TUBGCP3: variants seen among roughly 807,000 people sequenced by gnomAD.
TUBGCP3 encodes the protein tubulin gamma complex component 3.
TUBGCP3 carries 50 observed loss-of-function variants against 123.1 expected under a neutral mutation model. The observed-to-expected ratio is 0.41, with a 90% CI of 0.32 to 0.51. The LOEUF is 0.51. TUBGCP3 is among the 20% of genes least tolerant of loss of function. The pLI is 0.36. For missense variants in TUBGCP3, 882 were observed against 1,127.0 expected (o/e 0.78, Z 3.11); for synonymous variants, 405 against 413.9 (o/e 0.98, Z 0.26).
At chr13:112,567,706 A>C (rs886407904) in intron 2 of TUBGCP3, among the ~76,000 whole-genome samples, 1 of 152,224 alleles carries the variant, frequency 6.6e-6, no homozygotes, top group African/African-American at 2.4e-5. Context: ...AGGCAAAAGC[A>C]CTATGTCTAG....
chr13:112,508,975 A>C lies in TUBGCP3; in HGVS notation c.2087-4261T>G, dbSNP rs2139020595. ...GATTATTACAACTGGCTGCCCTGCT[A>C]ATCACCACGGTCGCGCCCCAGGTTC... On this transcript the variant is annotated intron_variant, in intron 17 of 21. Transcript: ENST00000261965. The surrounding 1 kb of genome is among the most constrained non-coding windows in gnomAD (Gnocchi z 4.2). Among the ~76,000 whole-genome samples the C allele has an allele frequency of 6.6e-6, 1 of 152,304 alleles. No individual in the cohort carries two copies. Among genetic ancestry groups the C allele is most frequent in the African/African-American group, 2.4e-5 (1 of 41,582 alleles).
chr13:112,490,748 C>T (rs886246231), intron 20 of TUBGCP3, among the ~76,000 whole-genome samples: 1 of 152,168 alleles, frequency 6.6e-6, no homozygotes, highest in Non-Finnish European at 1.5e-5. Context: ...GTATCAGCTT[C>T]GTGATTCTTC....
At chr13:112,493,800 G>A (rs1354468792) in intron 20 of TUBGCP3, among the ~76,000 whole-genome samples, 6 of 133,730 alleles carry the variant, frequency 4.5e-5, no homozygotes, top group East Asian at 2.4e-4. Context: ...TGCCTGAGAT[G>A]CTCTAGCTAT....
chr13:112,535,689 G>A (rs1299635944), intron 11 of TUBGCP3, among the ~76,000 whole-genome samples: 2 of 152,072 alleles, frequency 1.3e-5, no homozygotes, highest in Non-Finnish European at 2.9e-5. Flanking sequence ...ACCATTATCA[G>A]GTAAGTGATT....
intron 11 of TUBGCP3, among the ~76,000 whole-genome samples, chr13:112,535,277 C>T (rs1431280271): frequency 2.0e-5 from 3 of 152,148 alleles, no homozygotes; most frequent in East Asian, 1.9e-4. Flanking sequence ...TAGACGAATG[C>T]GTGTTTTCAT....
intron 1 of TUBGCP3, among the ~76,000 whole-genome samples, chr13:112,586,153 G>A (rs901612023): frequency 4.6e-5 from 7 of 151,552 alleles, no homozygotes; most frequent in Non-Finnish European, 8.8e-5. Context: ...GCAGGAGAAT[G>A]GCATGAACCC....
chr13:112,549,748 G>A (rs1293391323), intron 8 of TUBGCP3, among the ~76,000 whole-genome samples: 1 of 151,942 alleles, frequency 6.6e-6, no homozygotes, highest in East Asian at 1.9e-4. Context: ...CTAGCACTTT[G>A]GGAGGCCAAG....
chr13:112,491,986 T>C (rs1406776036), intron 20 of TUBGCP3, among the ~76,000 whole-genome samples: 2 of 152,250 alleles, frequency 1.3e-5, no homozygotes, highest in Admixed American at 1.3e-4. Flanking sequence ...ATTTATACCA[T>C]GCTTTCCGGT....
intron 11 of TUBGCP3, among the ~76,000 whole-genome samples, chr13:112,534,442 G>A (rs948915848): frequency 1.3e-5 from 2 of 152,146 alleles, no homozygotes; most frequent in Admixed American, 6.5e-5. Flanking sequence ...AGCTAATCAG[G>A]AGACTGAGGC....
chr13:112,516,192 G>A (rs966495977), intron 17 of TUBGCP3, among the ~76,000 whole-genome samples: 11 of 152,274 alleles, frequency 7.2e-5, no homozygotes, highest in African/African-American at 2.4e-4. Flanking sequence ...ACACTGTATG[G>A]ATTTTAAATG....
chr13:112,554,296 TA>T, intron 7 of TUBGCP3, 114 bp from the exon 8 acceptor site: 1 of 1,266,606 alleles, frequency 7.9e-7, no homozygotes, highest in South Asian at 1.5e-5. Context: ...CTTCAAGACA[TA>T]AAAGTTAAAA....
At chr13:112,500,200 T>C (rs1248749244) in intron 19 of TUBGCP3, among the ~76,000 whole-genome samples, 1 of 152,198 alleles carries the variant, frequency 6.6e-6, no homozygotes, top group Non-Finnish European at 1.5e-5. Flanking sequence ...ATTTCAATAG[T>C]GCAGAAGAAA....
upstream of TUBGCP3, among the ~76,000 whole-genome samples, chr13:112,592,430 C>T (rs9550160): frequency 0.15 from 22,941 of 152,078 alleles, 2,012 homozygotes; most frequent in East Asian, 0.2. The surrounding 1 kb of genome is among the most constrained non-coding windows in gnomAD (Gnocchi z 4.1). Context: ...AGAGGCCTCA[C>T]TGAGAGTGCC....
chr13:112,530,183 G>A (rs1430777372), intron 11 of TUBGCP3, among the ~76,000 whole-genome samples: 1 of 152,062 alleles, frequency 6.6e-6, no homozygotes. Context: ...AATATTACAG[G>A]ACAGTCTCAT....
chr13:112,544,227 G>A (rs1339003379), intron 11 of TUBGCP3, among the ~76,000 whole-genome samples: 1 of 152,050 alleles, frequency 6.6e-6, no homozygotes, highest in Non-Finnish European at 1.5e-5. Context: ...GCCAAGGCGG[G>A]CAGATCACAA....
At chr13:112,564,396 A>G (rs1434996284) in intron 3 of TUBGCP3, among the ~76,000 whole-genome samples, 2 of 152,264 alleles carry the variant, frequency 1.3e-5, no homozygotes, top group East Asian at 1.9e-4. Flanking sequence ...ACCTCTCTAG[A>G]TTCACTTTCT....
At chr13:112,585,345 A>G (rs747551857) in intron 1 of TUBGCP3, among the ~76,000 whole-genome samples, 2 of 152,282 alleles carry the variant, frequency 1.3e-5, no homozygotes, top group Non-Finnish European at 2.9e-5. Context: ...GTAAGCTACT[A>G]TTTATAAATT....
rs1878348549 is a variant in TUBGCP3 at position 112,539,742 on chromosome 13, T to C, written c.1335+5957A>G. ...GTAGCCTATCGGCATTTGGGTGGTC[T>C]TGGGAAAGGATACCTGGGAATGACG... On this transcript the variant is annotated intron_variant, in intron 11 of 21. Transcript: ENST00000261965. Among the ~76,000 whole-genome samples the C allele has an allele frequency of 3.3e-5, 5 of 152,218 alleles. No homozygotes were observed. In the South Asian group the frequency reaches 1.0e-3, roughly 31 times the overall value.
In TUBGCP3 at chr13:112,569,278, G is replaced by A. The variant is rs535482206; in HGVS notation, c.77-19C>T. The A allele has an allele frequency of 7.3e-5, 118 of 1,612,910 alleles. No homozygotes were observed. In the Middle Eastern group the frequency reaches 8.2e-4, roughly 11 times the overall value. ...ACATCAGCTGAAAGACAAACAAAAG[G>A]ATGCGGATTGTTACCAACCAGGTTA... On this transcript the variant is annotated intron_variant, in intron 1 of 21. Coordinates refer to ENST00000261965, the MANE Select transcript of TUBGCP3 (RefSeq NM_006322.6).
Sources: allele counts gnomAD v4.1 joint callset (sites outside exome capture counted in the v4.1 genomes callset), GRCh38; gene constraint gnomAD v4.1.1; non-coding constraint Gnocchi (gnomAD v3.1); transcripts MANE v1.5; gene names NCBI Gene and HGNC (gene_info 2026-07-23, HGNC 2026-07-21).